KIF3B: variants seen among roughly 807,000 people sequenced by gnomAD.
KIF3B encodes kinesin family member 3B, also known as kinesin-like protein KIF3B.
A neutral mutation model predicts 74.3 loss-of-function variants in KIF3B; 38 were observed. The observed-to-expected ratio is 0.51, with a 90% CI of 0.39 to 0.67. The LOEUF is 0.67. Among genes scored for constraint, KIF3B ranks in the 30% least tolerant of loss-of-function variants. KIF3B has a pLI of 0.00. For synonymous variants in KIF3B, 326 were observed against 342.5 expected (o/e 0.95, Z 0.53); for missense variants, 649 against 932.0 (o/e 0.70, Z 3.95).
chr20:32,322,718 T>TTATA lies in KIF3B; in HGVS notation c.1749-4051_1749-4048dup, dbSNP rs1569207631. Among the ~76,000 whole-genome samples the TTATA allele has an allele frequency of 2.8e-4, 16 of 57,952 alleles. 1 individual carries two copies. Among genetic ancestry groups the TTATA allele is most frequent in the Non-Finnish European group, 4.1e-4 (14 of 34,536 alleles). The allele number at this position is 57,952 out of a possible 152,430, so 38.0% of individuals were successfully genotyped here. On this transcript the variant is annotated intron_variant, in intron 5 of 8. Transcript: ENST00000375712. ...TATATATTTATATATTTATATATAT[T>TTATA]TATATTTATTTATTTATATATATTT... is the stretch of plus-strand genomic sequence containing the variant.
At chr20:32,297,361 A>G (rs534581468) in intron 1 of KIF3B, among the ~76,000 whole-genome samples, 8 of 152,220 alleles carry the variant, frequency 5.3e-5, no homozygotes, top group Non-Finnish European at 1.2e-4. Flanking sequence ...TGGAGATACC[A>G]CATACTCATT....
intron 6 of KIF3B, 69 bp downstream of exon 6, chr20:32,326,953 C>T (rs534363526): frequency 1.3e-6 from 1 of 797,390 alleles, no homozygotes; most frequent in East Asian, 2.5e-5. Context: ...TAACAAGAGC[C>T]CTCTGGTCAA....
intron 1 of KIF3B, among the ~76,000 whole-genome samples, chr20:32,292,936 C>A (rs2047700226): frequency 6.6e-6 from 1 of 152,136 alleles, no homozygotes; most frequent in African/African-American, 2.4e-5. Flanking sequence ...ATCAGAAGGT[C>A]CCTCAATAAG....
At chr20:32,330,729 C>T (rs1028563) in intron 8 of KIF3B, among the ~76,000 whole-genome samples, 52,140 of 152,036 alleles carry the variant, frequency 0.34, 10,218 homozygotes, top group East Asian at 0.74. Context: ...GTAGCCATCT[C>T]TAAGGAAACC....
chr20:32,328,651 A>G (rs987137564), intron 7 of KIF3B, among the ~76,000 whole-genome samples: 4 of 151,892 alleles, frequency 2.6e-5, no homozygotes, highest in Non-Finnish European at 5.9e-5. Flanking sequence ...AGGAGAGTAC[A>G]AACATCCTGT....
intron 5 of KIF3B, among the ~76,000 whole-genome samples, chr20:32,318,620 G>A (rs908063082): frequency 2.0e-5 from 3 of 152,156 alleles, no homozygotes; most frequent in African/African-American, 7.2e-5. Flanking sequence ...CGTCCATGCC[G>A]TAGCATGGAT....
intron 5 of KIF3B, among the ~76,000 whole-genome samples, chr20:32,320,402 C>T (rs2047854232): frequency 6.6e-6 from 1 of 150,704 alleles, no homozygotes; most frequent in Admixed American, 6.6e-5. Flanking sequence ...TCTAGATTTG[C>T]CTTTTCTGGA....
intron 1 of KIF3B, among the ~76,000 whole-genome samples, chr20:32,277,973 C>T (rs1446450500): frequency 1.3e-5 from 2 of 152,206 alleles, no homozygotes; most frequent in Non-Finnish European, 2.9e-5. Flanking sequence ...CCCCCAGACA[C>T]GGCCACCTTG....
chr20:32,307,918 C>CAAA (rs574709198), intron 1 of KIF3B, among the ~76,000 whole-genome samples: 1 of 52,744 alleles, frequency 1.9e-5, no homozygotes, highest in Admixed American at 2.1e-4. Context: ...GACTCTGTCT[C>CAAA]AAAAAAAAAA....
In KIF3B at chr20:32,329,071, C is replaced by G. The variant is rs2047917792; in HGVS notation, c.1969-1070C>G. Among the ~76,000 whole-genome samples the G allele has an allele frequency of 2.0e-5, 3 of 152,150 alleles. No individual in the cohort carries two copies. The South Asian group carries it at 6.2e-4, about 32-fold the overall frequency. On this transcript the variant is annotated intron_variant, in intron 7 of 8. Transcript: ENST00000375712. The stretch of plus-strand genomic sequence containing the variant: ...TACAGGCACATGCCACGACACCCAG[C>G]TAGTTTTTGTATTTTTAGTGGAGAC...
At chr20:32,291,943 C>T (rs1409718096) in intron 1 of KIF3B, among the ~76,000 whole-genome samples, 5 of 149,438 alleles carry the variant, frequency 3.3e-5, no homozygotes, top group African/African-American at 1.2e-4. Context: ...GAGACAGGGT[C>T]TCACTGTATC....
At chr20:32,288,990 A>T (rs2047679374) in intron 1 of KIF3B, among the ~76,000 whole-genome samples, 1 of 152,206 alleles carries the variant, frequency 6.6e-6, no homozygotes, top group Non-Finnish European at 1.5e-5. Context: ...ATGAATCTTG[A>T]TAAGACAAGA....
At chr20:32,294,628 C>G (rs1407516812) in intron 1 of KIF3B, among the ~76,000 whole-genome samples, 1 of 152,144 alleles carries the variant, frequency 6.6e-6, no homozygotes, top group African/African-American at 2.4e-5. Context: ...ATCCTCAGAA[C>G]AGTTCTTTAA....
Position 32,317,841 on chromosome 20 carries a change from A to C in KIF3B, c.1748+967A>C, listed in dbSNP as rs1357199366. ...AATTTTATAGAGATAGAGTCTCTCTATGTTACCTAAGCTGATCTCAAACTC... is the reference window on the plus strand; with the variant it reads ...AATTTTATAGAGATAGAGTCTCTCTCTGTTACCTAAGCTGATCTCAAACTC... On this transcript the variant is annotated intron_variant, in intron 5 of 8. Coordinates refer to ENST00000375712, the MANE Select transcript of KIF3B (RefSeq NM_004798.4). Among the ~76,000 whole-genome samples the C allele has an allele frequency of 4.6e-5, 7 of 152,044 alleles. No individual in the cohort carries two copies. The South Asian group carries it at 1.5e-3, about 32-fold the overall frequency.
intron 2 of KIF3B, among the ~76,000 whole-genome samples, chr20:32,313,298 G>A (rs2047811201): frequency 6.6e-6 from 1 of 152,166 alleles, no homozygotes; most frequent in African/African-American, 2.4e-5. Flanking sequence ...TAACCACAAG[G>A]CAGAATTCCT....
chr20:32,316,755 G>T lies in KIF3B; in HGVS notation c.1630-1G>T. Reference sequence around the variant, plus strand: ...CTCACCTGCCTCTCCCCTCATTCCAGCTCTTCTCCAAGCTTCAGGCAGTGA... The same window carrying T: ...CTCACCTGCCTCTCCCCTCATTCCATCTCTTCTCCAAGCTTCAGGCAGTGA... On this transcript the variant is annotated splice_acceptor_variant, in intron 4 of 8. Coordinates refer to ENST00000375712, the MANE Select transcript of KIF3B (RefSeq NM_004798.4). LOFTEE classifies it high-confidence loss of function. 1 of 1,613,916 alleles carries T rather than the reference G, an allele frequency of 6.2e-7. No homozygotes were observed. The highest frequency in any genetic ancestry group is 8.5e-7 in the Non-Finnish European group (1 of 1,179,820).
chr20:32,280,481 A>G (rs1026905775), intron 1 of KIF3B, among the ~76,000 whole-genome samples: 1 of 151,976 alleles, frequency 6.6e-6, no homozygotes, highest in Non-Finnish European at 1.5e-5. Flanking sequence ...TTGGGAGGCC[A>G]AGACGGGTGG....
chr20:32,330,228 G>A lies in KIF3B; in HGVS notation c.2056G>A (p.Ala686Thr), dbSNP rs2047923701. Residue 686 changes from alanine (A) to threonine (T), a missense_variant, in exon 8 of 9, where the codon GCT becomes ACT. Ala to Thr is a moderately conservative substitution (Grantham distance 58). Around this residue, in one of 4 missense-constraint regions of KIF3B, gnomAD observed 186 missense variants for 198.5 expected, o/e 0.94. Coordinates refer to ENST00000375712, the MANE Select transcript of KIF3B (RefSeq NM_004798.4). ...EGPAIAPKVQ[A>T]ALDAALQDED... is the part of the protein sequence containing the mutation. Reference sequence around the variant, plus strand: ...TCCAGCCATTGCCCCCAAGGTCCAGGCTGCATTGGATGCGGCTCTGCAGGA... The same window carrying A: ...TCCAGCCATTGCCCCCAAGGTCCAGACTGCATTGGATGCGGCTCTGCAGGA... 6.2e-7 allele frequency: 1 copy of A among 1,614,086 alleles called. No individual in the cohort carries two copies. Among genetic ancestry groups the A allele is most frequent in the Non-Finnish European group, 8.5e-7 (1 of 1,179,996 alleles).
intron 5 of KIF3B, among the ~76,000 whole-genome samples, chr20:32,320,692 A>T (rs762063258): frequency 3.3e-5 from 5 of 151,202 alleles, no homozygotes; most frequent in African/African-American, 4.9e-5. Context: ...ATTTTTTAAA[A>T]TTTTTTCATA....
Sources: gnomAD v4.1 joint callset for allele counts (sites outside exome capture counted in the v4.1 genomes callset) on GRCh38, gnomAD v4.1.1 for gene constraint, gnomAD v4.1.1 regional missense constraint, MANE v1.5 for transcripts, NCBI Gene and HGNC (gene_info 2026-07-23, HGNC 2026-07-21) for gene names.